The following PCDHGA12 variants were observed in gnomAD, a reference collection of about 807,000 sequenced individuals.
The protein encoded by PCDHGA12 is protocadherin gamma-A12.
A neutral mutation model predicts 61.1 loss-of-function variants in PCDHGA12; 43 were observed. That is an observed-to-expected ratio of 0.70 (90% CI 0.55 to 0.91). The LOEUF (loss-of-function observed/expected upper bound fraction) is 0.91. PCDHGA12 is among the 40% of genes least tolerant of loss of function. The pLI is 0.00. For missense variants in PCDHGA12, 1,236 were observed against 1,227.7 expected, an observed-to-expected ratio of 1.01 and a Z score of -0.10; for synonymous variants, 520 against 542.9, an observed-to-expected ratio of 0.96 and a Z score of 0.59.
intron 1 of PCDHGA12, among the ~76,000 whole-genome samples, chr5:141,436,839 A>G (rs1247924864): frequency 6.6e-6 from 1 of 152,260 alleles, no homozygotes; most frequent in African/African-American, 2.4e-5. Flanking sequence ...GTGCCTAGGC[A>G]CATTCTTGAT....
In PCDHGA12 at chr5:141,510,915, A is replaced by G; in HGVS notation, c.2573-32A>G. 8 of 1,613,786 alleles carry G rather than the reference A, an allele frequency of 5.0e-6. No individual in the cohort carries two copies. The South Asian group carries it at 8.8e-5, about 18-fold the overall frequency. ...AGTGACTGTTGAGGACCCTAAGTTT[A>G]GCTCCCACCTGATCTTCCTCTGTCT... On this transcript the variant is annotated intron_variant, in intron 3 of 3. Coordinates refer to ENST00000252085, the MANE Select transcript of PCDHGA12 (RefSeq NM_003735.3).
Position 141,485,086 on chromosome 5 carries a change from A to T in PCDHGA12, c.2425-9721A>T. 1.0e-6 allele frequency: 1 copy of T among 999,576 alleles called. No individual in the cohort carries two copies. Among genetic ancestry groups the T allele is most frequent in the Non-Finnish European group, 1.5e-6 (1 of 651,740 alleles). 61.9% of individuals were successfully genotyped at this position (999,576 alleles called of 1,614,324 possible). A position where few individuals can be genotyped will look rare whatever the true frequency, so the allele number is the denominator to read the frequency against. On this transcript the variant is annotated intron_variant, in intron 1 of 3. Transcript: ENST00000252085. The surrounding 1 kb of genome is among the most constrained non-coding windows in gnomAD (Gnocchi z 5.7). The stretch of plus-strand genomic sequence containing the variant: ...CCAGAGCTGGCGCGGGGAAAGGGAG[A>T]TAGGTGTCTCCAGCTGCTGTGGCTG...
chr5:141,496,083 C>T (rs1267834920), intron 2 of PCDHGA12, among the ~76,000 whole-genome samples: 8 of 151,904 alleles, frequency 5.3e-5, no homozygotes, highest in Admixed American at 3.3e-4. Flanking sequence ...CAACCCCCCA[C>T]CCACCACCCA....
intron 1 of PCDHGA12, among the ~76,000 whole-genome samples, chr5:141,463,117 A>G (rs2099053039): frequency 6.6e-6 from 1 of 152,196 alleles, no homozygotes; most frequent in African/African-American, 2.4e-5. Context: ...TTCAGCTAAT[A>G]GCTCCCTGGC....
rs760017836 is a variant in PCDHGA12, at chr5:141,432,060, C to G, written c.1301C>G (p.Thr434Arg). 1.2e-6 allele frequency: 2 copies of G among 1,614,200 alleles called. No homozygotes were observed. The highest frequency in any genetic ancestry group is 1.7e-6 in the Non-Finnish European group (2 of 1,180,048). ...ATDRGTPPLS[T>R]ETHISLNVAD... ...GACCGGGGAACCCCGCCCCTATCCACGGAAACTCATATCTCGCTGAACGTG... is the reference window on the plus strand; with the variant it reads ...GACCGGGGAACCCCGCCCCTATCCAGGGAAACTCATATCTCGCTGAACGTG... Residue 434 changes from threonine to arginine, a missense_variant, in exon 1 of 4, where the codon ACG becomes AGG. Coordinates refer to ENST00000252085, the MANE Select transcript of PCDHGA12 (RefSeq NM_003735.3). The surrounding 1 kb of genome is among the most constrained non-coding windows in gnomAD (Gnocchi z 6.0).
Position 141,485,713 on chromosome 5 carries a change from G to T in PCDHGA12, c.2425-9094G>T. On this transcript the variant is annotated intron_variant, in intron 1 of 3. Transcript: ENST00000252085. The surrounding 1 kb of genome is among the most constrained non-coding windows in gnomAD (Gnocchi z 5.7). ...TGAGCTCCAATGAACACTTTGCACT[G>T]GATGTGAAGAAGCGCAGCGACGGCA... 1 of 1,614,202 alleles carries T rather than the reference G, an allele frequency of 6.2e-7. No individual in the cohort carries two copies. The highest frequency in any genetic ancestry group is 8.5e-7 in the Non-Finnish European group (1 of 1,180,038).
rs980122657 is a variant in PCDHGA12, at chr5:141,511,379, C to G, written c.*206C>G. The G allele has an allele frequency of 2.9e-5, 34 of 1,169,842 alleles. No individual in the cohort carries two copies. The highest frequency in any genetic ancestry group is 3.9e-5 in the Non-Finnish European group (33 of 853,834). The allele number at this position is 1,169,842 out of a possible 1,614,324, so 72.5% of individuals were successfully genotyped here. ...GGGGGTTGAATATGCAAAAGCAGTT[C>G]CGCTGGGAACCCCCATCCAATCAAC... On this transcript the variant is annotated 3_prime_UTR_variant, in exon 4 of 4. Transcript: ENST00000252085.
intron 1 of PCDHGA12, among the ~76,000 whole-genome samples, chr5:141,433,697 CGTG>C (rs1176871032): frequency 6.6e-6 from 1 of 152,020 alleles, no homozygotes; most frequent in Non-Finnish European, 1.5e-5. Context: ...ATTAGCCGGG[CGTG>C]GTGGTGCATG....
intron 1 of PCDHGA12, among the ~76,000 whole-genome samples, chr5:141,461,248 C>A (rs1209563726): frequency 6.6e-6 from 1 of 152,038 alleles, no homozygotes; most frequent in Non-Finnish European, 1.5e-5. Context: ...AATTTATATT[C>A]CCAGCAGCAA....
chr5:141,497,396 C>T (rs2099776233), intron 2 of PCDHGA12, among the ~76,000 whole-genome samples: 1 of 152,116 alleles, frequency 6.6e-6, no homozygotes, highest in Middle Eastern at 3.2e-3. Flanking sequence ...CTTACCCCTG[C>T]CTCAACTCCC....
At position 141,511,411 on chromosome 5, in the gene PCDHGA12, A is replaced by G; in HGVS notation, c.*238A>G. On this transcript the variant is annotated 3_prime_UTR_variant, in exon 4 of 4. Coordinates refer to ENST00000252085, the MANE Select transcript of PCDHGA12 (RefSeq NM_003735.3). ...GAACCCCCATCCAATCAACTGCTGT[A>G]CCCATGGGGGTAGTGGGGTTACTGT... The G allele has an allele frequency of 1.1e-6, 1 of 901,334 alleles. No homozygotes were observed. Among genetic ancestry groups the G allele is most frequent in the Non-Finnish European group, 1.6e-6 (1 of 617,750 alleles). The allele number at this position is 901,334 out of a possible 1,614,324, so 55.8% of individuals were successfully genotyped here. A position where few individuals can be genotyped will look rare whatever the true frequency, so the allele number is the denominator to read the frequency against.
In PCDHGA12 at chr5:141,486,913, G is replaced by A. The variant is rs2099636995; in HGVS notation, c.2425-7894G>A. ...CTGGTTCCTTATGTCCCCAAGCACT[G>A]CCTCCATCAGTTGGTGCTGGCCACC... On this transcript the variant is annotated intron_variant, in intron 1 of 3. Transcript: ENST00000252085. The surrounding 1 kb of genome is among the most constrained non-coding windows in gnomAD (Gnocchi z 5.0). The A allele has an allele frequency of 1.9e-6, 3 of 1,614,092 alleles. No individual in the cohort carries two copies. The highest frequency in any genetic ancestry group is 1.3e-5 in the African/African-American group (1 of 74,938).
chr5:141,485,278 C>T lies in PCDHGA12; in HGVS notation c.2425-9529C>T. On this transcript the variant is annotated intron_variant, in intron 1 of 3. Transcript: ENST00000252085. The surrounding 1 kb of genome is among the most constrained non-coding windows in gnomAD (Gnocchi z 5.7). ...TTTGTGGGCAGATCCGCTACCCGGTCCCAGAGGAGTCACAGGAAGGGACTT... is the reference window on the plus strand; with the variant it reads ...TTTGTGGGCAGATCCGCTACCCGGTTCCAGAGGAGTCACAGGAAGGGACTT... 1 of 1,614,064 alleles carries T rather than the reference C, an allele frequency of 6.2e-7. No homozygotes were observed. The highest frequency in any genetic ancestry group is 1.1e-5 in the South Asian group (1 of 91,080).
At chr5:141,449,933 G>A (rs1012332454) in intron 1 of PCDHGA12, among the ~76,000 whole-genome samples, 1 of 149,752 alleles carries the variant, frequency 6.7e-6, no homozygotes, top group African/African-American at 2.5e-5. Flanking sequence ...ATACCTTATA[G>A]TATATTTTAC....
In PCDHGA12 at chr5:141,433,042, G is replaced by C. The variant is rs752612411; in HGVS notation, c.2283G>C (p.Thr761=). ...QTYSHEVSLT[T]DSRKSHLIFP... ...ATTCCCACGAGGTTTCCCTCACCAC[G>C]GACTCGCGGAAGAGTCACCTGATCT... is the stretch of plus-strand genomic sequence containing the variant. Residue 761 remains threonine (T), a synonymous_variant, in exon 1 of 4, where the codon ACG becomes ACC. Transcript: ENST00000252085. The C allele has an allele frequency of 3.7e-6, 6 of 1,614,142 alleles. No homozygotes were observed. The highest frequency in any genetic ancestry group is 5.1e-6 in the Non-Finnish European group (6 of 1,180,026).
intron 1 of PCDHGA12, among the ~76,000 whole-genome samples, chr5:141,435,619 T>A (rs2097772280): frequency 6.6e-6 from 1 of 152,190 alleles, no homozygotes; most frequent in Non-Finnish European, 1.5e-5. Context: ...AAATTCCCCA[T>A]AACTTTTACA....
intron 2 of PCDHGA12, among the ~76,000 whole-genome samples, chr5:141,503,085 C>T (rs1284066265): frequency 6.6e-6 from 1 of 152,044 alleles, no homozygotes; most frequent in Non-Finnish European, 1.5e-5. Context: ...GATCTCCTGA[C>T]CTCGTGGTCT....
In PCDHGA12 at chr5:141,491,533, C is replaced by G. The variant is rs758270791; in HGVS notation, c.2425-3274C>G. 4.3e-6 allele frequency: 7 copies of G among 1,614,010 alleles called. No homozygotes were observed. The highest frequency in any genetic ancestry group is 5.1e-6 in the Non-Finnish European group (6 of 1,180,028). ...GCTCAAGTACATGGAGGTGACGCTGCGGCCCACAGACTCGCAGAGCCACTG... is the reference window on the plus strand; with the variant it reads ...GCTCAAGTACATGGAGGTGACGCTGGGGCCCACAGACTCGCAGAGCCACTG... On this transcript the variant is annotated intron_variant, in intron 1 of 3. Transcript: ENST00000252085. The surrounding 1 kb of genome is among the most constrained non-coding windows in gnomAD (Gnocchi z 6.9).
At position 141,433,132 on chromosome 5, in the gene PCDHGA12, T is replaced by A. The variant is rs1168186406; in HGVS notation, c.2373T>A (p.Leu791=). 1 of 1,614,122 alleles carries A rather than the reference T, an allele frequency of 6.2e-7. No homozygotes were observed. The highest frequency in any genetic ancestry group is 8.5e-7 in the Non-Finnish European group (1 of 1,180,020). Residue 791 remains leucine (L), a synonymous_variant, in exon 1 of 4, where the codon CTT becomes CTA. Coordinates refer to ENST00000252085, the MANE Select transcript of PCDHGA12 (RefSeq NM_003735.3). ...AGAGCTTTGAAAAAAGCGAGCCCCT[T>A]TTGCTGTCAGGTGATTCGGTATTTT... ...SQESFEKSEP[L]LLSGDSVFSK...
Sources: allele counts gnomAD v4.1 joint callset (sites outside exome capture counted in the v4.1 genomes callset), GRCh38; gene constraint gnomAD v4.1.1; non-coding constraint Gnocchi (gnomAD v3.1); transcripts MANE v1.5; gene names NCBI Gene and HGNC (gene_info 2026-07-23, HGNC 2026-07-21).